USP46: variants seen among roughly 807,000 people sequenced by gnomAD.
USP46 encodes ubiquitin specific peptidase 46.
USP46 carries 12 observed loss-of-function variants against 44.4 expected under a neutral mutation model. The observed-to-expected ratio is 0.27, with a 90% CI of 0.17 to 0.44. The LOEUF is 0.44. Among genes scored for constraint, USP46 ranks in the 20% least tolerant of loss-of-function variants. USP46 has a pLI of 1.00. For synonymous variants in USP46, 155 were observed against 161.5 expected (o/e 0.96, Z 0.31); for missense variants, 248 against 444.8 (o/e 0.56, Z 3.98).
chr4:52,647,293 T>C (rs1718581112), intron 1 of USP46, among the ~76,000 whole-genome samples: 1 of 152,246 alleles, frequency 6.6e-6, no homozygotes, highest in African/African-American at 2.4e-5. Flanking sequence ...GTTGCTTGTA[T>C]ATGCATATAA....
intron 1 of USP46, among the ~76,000 whole-genome samples, chr4:52,658,739 C>A (rs562488900): frequency 1.3e-5 from 2 of 152,332 alleles, no homozygotes; most frequent in East Asian, 3.9e-4. Flanking sequence ...CTGTCTTGAC[C>A]GCAAGAAGAG....
intron 1 of USP46, among the ~76,000 whole-genome samples, chr4:52,634,839 T>TG (rs1718051251): frequency 6.6e-6 from 1 of 152,244 alleles, no homozygotes; most frequent in South Asian, 2.1e-4. Context: ...CAACTCTTGG[T>TG]ATCATCCCAG....
intron 1 of USP46, among the ~76,000 whole-genome samples, chr4:52,645,221 T>A (rs1411964672): frequency 7.7e-6 from 1 of 130,336 alleles, no homozygotes; most frequent in Non-Finnish European, 1.6e-5. Flanking sequence ...ACAGACTCTA[T>A]CTCAAAAAAA....
intron 4 of USP46, among the ~76,000 whole-genome samples, chr4:52,618,100 G>A (rs1197230031): frequency 6.6e-6 from 1 of 152,062 alleles, no homozygotes; most frequent in East Asian, 2.0e-4. Flanking sequence ...TCATATTCAG[G>A]CCAGGCACAG....
intron 1 of USP46, among the ~76,000 whole-genome samples, chr4:52,645,908 C>T (rs1232766435): frequency 6.6e-6 from 1 of 150,762 alleles, no homozygotes; most frequent in East Asian, 2.0e-4. Context: ...TGGCACTTTC[C>T]CTTTCTCTCT....
Position 52,659,137 on chromosome 4 carries a change from T to C in USP46, c.14A>G (p.Asn5Ser), listed in dbSNP as rs778446846. ...CACCATATTACAGATGGAGGCGATG[T>C]TTCGGACAGTCATTAGTCTAAAGGT... is the stretch of plus-strand genomic sequence containing the variant. MTVR[N>S]IASICNMGTN... is the part of the protein sequence containing the mutation. Residue 5 changes from asparagine to serine, a missense_variant, in exon 1 of 9, where the codon AAC (asparagine) becomes AGC (serine). By Grantham distance (46) the Asn-to-Ser change is conservative (BLOSUM62 1). Around this residue, in one of 5 missense-constraint regions of USP46, gnomAD observed 31 missense variants for 32.5 expected, o/e 0.96. Coordinates refer to ENST00000441222, the MANE Select transcript of USP46 (RefSeq NM_022832.4). The surrounding 1 kb of genome is among the most constrained non-coding windows in gnomAD (Gnocchi z 4.2). 7 of 1,568,868 alleles carry C rather than the reference T, an allele frequency of 4.5e-6. No individual in the cohort carries two copies. In the Admixed American group the frequency reaches 1.3e-4, roughly 28 times the overall value.
chr4:52,641,543 G>A (rs1718340760), intron 1 of USP46, among the ~76,000 whole-genome samples: 1 of 152,148 alleles, frequency 6.6e-6, no homozygotes, highest in African/African-American at 2.4e-5. Flanking sequence ...TTTCTTCCTT[G>A]GTCGAGGGGT....
chr4:52,617,621 C>T (rs1717206616), intron 4 of USP46, among the ~76,000 whole-genome samples: 1 of 152,166 alleles, frequency 6.6e-6, no homozygotes, highest in South Asian at 2.1e-4. Flanking sequence ...TCTCTCCTTG[C>T]CCTAGAATGA....
chr4:52,630,182 TATC>T (rs1446988946), intron 2 of USP46, among the ~76,000 whole-genome samples: 3 of 152,214 alleles, frequency 2.0e-5, no homozygotes, highest in African/African-American at 7.2e-5. Flanking sequence ...ACTACTCCGT[TATC>T]ATTAACCTGC....
At position 52,608,302 on chromosome 4, in the gene USP46, CTTCT is replaced by C. The variant is rs149300237; in HGVS notation, c.638+2235_638+2238del. ...TCTTTGATATATTTTCAATTAAAAT[CTTCT>C]TTTTCACTCACCACAATAATTCAAA... On this transcript the variant is annotated intron_variant, in intron 5 of 8. Coordinates refer to ENST00000441222, the MANE Select transcript of USP46 (RefSeq NM_022832.4). Among the ~76,000 whole-genome samples, 121 of 152,276 alleles carry C rather than the reference CTTCT, an allele frequency of 7.9e-4. 1 individual carries two copies. Among genetic ancestry groups the C allele is most frequent in the Admixed American group, 2.2e-3 (33 of 15,308 alleles).
At chr4:52,635,627 A>G (rs955435744) in intron 1 of USP46, among the ~76,000 whole-genome samples, 1 of 152,176 alleles carries the variant, frequency 6.6e-6, no homozygotes, top group African/African-American at 2.4e-5. Flanking sequence ...CTAATGACAG[A>G]GAGATCTCTC....
intron 1 of USP46, among the ~76,000 whole-genome samples, chr4:52,644,309 C>G (rs1718456314): frequency 6.6e-6 from 1 of 152,180 alleles, no homozygotes; most frequent in South Asian, 2.1e-4. Context: ...CCACTCCTCT[C>G]CAGGCTTCAA....
At position 52,593,239 on chromosome 4, in the gene USP46, T is replaced by C. The variant is rs1021279895; in HGVS notation, c.*4401A>G. 1.1e-5 allele frequency: 3 copies of C among 272,040 alleles called. No homozygotes were observed. The highest frequency in any genetic ancestry group is 6.5e-5 in the African/African-American group (3 of 45,938). 16.9% of individuals were successfully genotyped at this position (272,040 alleles called of 1,614,324 possible). ...TCTAGAATTTGTGTCACCTTGGTAG[T>C]GACAGGCCTGTCCTATAAATCCCAG... On this transcript the variant is annotated 3_prime_UTR_variant, in exon 9 of 9. Coordinates refer to ENST00000441222, the MANE Select transcript of USP46 (RefSeq NM_022832.4).
intron 6 of USP46, among the ~76,000 whole-genome samples, chr4:52,603,260 G>T (rs942050761): frequency 6.6e-6 from 1 of 152,206 alleles, no homozygotes; most frequent in East Asian, 1.9e-4. Flanking sequence ...GCAGATTGAG[G>T]TTATAAGGAT....
rs1553891308 is a variant in USP46 at position 52,632,990 on chromosome 4, A to AAAAAAG, written c.37-1847_37-1846insCTTTTT. Among the ~76,000 whole-genome samples, 35 of 66,296 alleles carry AAAAAAG rather than the reference A, an allele frequency of 5.3e-4. 3 individuals carry two copies. The highest frequency in any genetic ancestry group is 9.7e-4 in the Non-Finnish European group (32 of 33,056). The allele number at this position is 66,296 out of a possible 152,430, so 43.5% of individuals were successfully genotyped here. A position where few individuals can be genotyped will look rare whatever the true frequency, so the allele number is the denominator to read the frequency against. ...AAAGAAAGAAAGAAAGAAAGAAAAG[A>AAAAAAG]AAAGAAAGAAAGAAAGAAAGAAAGA... On this transcript the variant is annotated intron_variant, in intron 1 of 8. Transcript: ENST00000441222.
chr4:52,647,249 T>C (rs1383436256), intron 1 of USP46, among the ~76,000 whole-genome samples: 1 of 152,234 alleles, frequency 6.6e-6, no homozygotes, highest in Non-Finnish European at 1.5e-5. Context: ...GTACTCTTTG[T>C]GTTTTTAAAA....
intron 2 of USP46, chr4:52,629,715 G>A (rs1338887444): frequency 2.8e-5 from 13 of 456,184 alleles, no homozygotes; most frequent in East Asian, 2.1e-4. Flanking sequence ...AACATTTACC[G>A]AGTGTCCACA....
At chr4:52,632,918 G>GAGAAAGCA (rs1717900632) in intron 1 of USP46, among the ~76,000 whole-genome samples, 1 of 35,176 alleles carries the variant, frequency 2.8e-5, no homozygotes, top group Admixed American at 3.8e-4. Flanking sequence ...AAGAAAGAAA[G>GAGAAAGCA]AGAAAGAAAG....
chr4:52,646,345 A>C (rs1471063170), intron 1 of USP46, among the ~76,000 whole-genome samples: 1 of 152,238 alleles, frequency 6.6e-6, no homozygotes, highest in Non-Finnish European at 1.5e-5. Flanking sequence ...TAATGTAACA[A>C]AACCATCCTG....
Sources: gnomAD v4.1 joint callset for allele counts (sites outside exome capture counted in the v4.1 genomes callset) on GRCh38, gnomAD v4.1.1 for gene constraint, gnomAD v4.1.1 regional missense constraint, Gnocchi (gnomAD v3.1) non-coding constraint, MANE v1.5 for transcripts, NCBI Gene and HGNC (gene_info 2026-07-23, HGNC 2026-07-21) for gene names.